Variants in TNFRSF11A observed in about 807,000 individuals in gnomAD.
The protein encoded by TNFRSF11A is tumor necrosis factor receptor superfamily member 11A.
A neutral mutation model predicts 55.7 loss-of-function variants in TNFRSF11A; 32 were observed. The ratio of observed to expected loss-of-function variants is 0.57; its 90% CI spans 0.43 to 0.77. The LOEUF (loss-of-function observed/expected upper bound fraction) is 0.77. TNFRSF11A is among the 30% of genes least tolerant of loss of function. The pLI is 0.00. For synonymous variants in TNFRSF11A, 311 were observed against 331.0 expected, an observed-to-expected ratio of 0.94 and a Z score of 0.65; for missense variants, 753 against 809.8, an observed-to-expected ratio of 0.93 and a Z score of 0.85.
chr18:62,335,129 A>ATTTTTTTTTTTTTTTTTTTTTTTTTTT (rs11289576), intron 1 of TNFRSF11A, among the ~76,000 whole-genome samples: 3 of 140,722 alleles, frequency 2.1e-5, no homozygotes, highest in Non-Finnish European at 4.6e-5. Context: ...TGGGGTCGGA[A>ATTTTTTTTTTTTTTTTTTTTTTTTTTT]TTTTTTTTTT....
In TNFRSF11A at chr18:62,385,153, C is replaced by G; in HGVS notation, c.*119C>G. On this transcript the variant is annotated 3_prime_UTR_variant, in exon 10 of 10. Transcript: ENST00000586569. The stretch of plus-strand genomic sequence containing the variant: ...ATCGGTACAGTCGAGGAAGACCACC[C>G]GGCATTCTCTGCCCACTTTGCCTTC... 2 of 1,176,006 alleles carry G rather than the reference C, an allele frequency of 1.7e-6. No homozygotes were observed. Among genetic ancestry groups the G allele is most frequent in the Non-Finnish European group, 2.2e-6 (2 of 904,178 alleles). The allele number at this position is 1,176,006 out of a possible 1,614,324, so 72.8% of individuals were successfully genotyped here.
chr18:62,333,724 A>G (rs2046189573), intron 1 of TNFRSF11A, among the ~76,000 whole-genome samples: 1 of 152,194 alleles, frequency 6.6e-6, no homozygotes, highest in Non-Finnish European at 1.5e-5. Context: ...GTGATGGGGT[A>G]GGGAGTAGAG....
chr18:62,349,903 A>C lies in TNFRSF11A; in HGVS notation c.249A>C (p.Glu83Asp), dbSNP rs111538401. ...AATACTTGGATAGCTGGAATGAAGA[A>C]GATAAATGCTTGCTGCATAAAGTTT... Reference protein sequence around the residue: ...PDEYLDSWNEEDKCLLHKVCD... With the variant: ...PDEYLDSWNEDDKCLLHKVCD... The change falls in exon 3 of 10, where the codon GAA becomes GAC. Residue 83 changes from glutamate (E) to aspartate (D), a missense_variant. Physicochemically the swap from Glu to Asp is conservative, Grantham distance 45. Transcript: ENST00000586569. The C allele has an allele frequency of 1.2e-6, 2 of 1,614,144 alleles. No homozygotes were observed. Among genetic ancestry groups the C allele is most frequent in the South Asian group, 2.2e-5 (2 of 91,084 alleles).
chr18:62,341,835 GCTTTTTTTTTTTTT>G (rs2046314737), intron 1 of TNFRSF11A, among the ~76,000 whole-genome samples: 1 of 68,836 alleles, frequency 1.5e-5, no homozygotes. Flanking sequence ...GCTGAGAATG[GCTTTTTTTTTTTTT>G]TTTTTTTTTG....
intron 1 of TNFRSF11A, among the ~76,000 whole-genome samples, chr18:62,331,971 CA>C (rs2046161777): frequency 6.6e-6 from 1 of 152,158 alleles, no homozygotes; most frequent in Non-Finnish European, 1.5e-5. Context: ...CTGTAAAAAC[CA>C]CCCTTTTAGT....
Position 62,358,333 on chromosome 18 carries a change from C to T in TNFRSF11A, c.513C>T (p.Pro171=), listed in dbSNP as rs1334260285. Residue 171 remains proline (P), a synonymous_variant, in exon 5 of 10, where the codon CCC becomes CCT. Transcript: ENST00000586569. ...TTTCCTCCACGGACAAATGCAGACC[C>T]TGGACCAAGTAAGTAACAACAAAGG... ...DAFSSTDKCR[P]WTNCTFLGKR... The T allele has an allele frequency of 1.2e-6, 2 of 1,613,670 alleles. No homozygotes were observed. The highest frequency in any genetic ancestry group is 2.7e-5 in the African/African-American group (2 of 74,898).
chr18:62,361,233 A>C (rs759595342), intron 6 of TNFRSF11A, among the ~76,000 whole-genome samples: 9 of 152,096 alleles, frequency 5.9e-5, no homozygotes, highest in East Asian at 5.8e-4. Context: ...AACTACAGAA[A>C]TATTTCACAG....
At chr18:62,357,688 C>T (rs890826190) in intron 4 of TNFRSF11A, among the ~76,000 whole-genome samples, 4 of 152,236 alleles carry the variant, frequency 2.6e-5, no homozygotes, top group East Asian at 1.9e-4. Context: ...GGTTCTTCCT[C>T]GTCTTCTTTT....
At position 62,368,933 on chromosome 18, in the gene TNFRSF11A, G is replaced by A. The variant is rs1328963759; in HGVS notation, c.1016G>A (p.Ser339Asn). The A allele has an allele frequency of 1.9e-6, 3 of 1,614,164 alleles. No individual in the cohort carries two copies. The African/African-American group carries it at 4.0e-5, about 22-fold the overall frequency. The change falls in exon 9 of 10, where the codon AGC (serine) becomes AAC (asparagine). Residue 339 changes from serine to asparagine, a missense_variant. Physicochemically the swap from Ser to Asn is conservative, Grantham distance 46. This residue lies in a region of TNFRSF11A where 567 missense variants were observed against 596.7 expected (regional missense o/e 0.95). Transcript: ENST00000586569. ...AGCAAGACCGAGATAGAGGAAGACA[G>A]CTTCAGACAGATGCCCACAGAAGAT... ...LVSKTEIEED[S>N]FRQMPTEDEY...
chr18:62,382,254 G>C (rs576582158), intron 9 of TNFRSF11A, among the ~76,000 whole-genome samples: 34 of 151,866 alleles, frequency 2.2e-4, no homozygotes, highest in African/African-American at 7.5e-4. Flanking sequence ...GGGATTGCAG[G>C]TGCCCACCAC....
chr18:62,361,607 C>T, intron 6 of TNFRSF11A, 73 bp from the exon 7 acceptor site: 2 of 1,401,628 alleles, frequency 1.4e-6, no homozygotes, highest in African/African-American at 1.4e-5. Flanking sequence ...GTTTGATTTA[C>T]CGGGATTTGT....
At chr18:62,335,013 C>T (rs1229332694) in intron 1 of TNFRSF11A, among the ~76,000 whole-genome samples, 1 of 152,158 alleles carries the variant, frequency 6.6e-6, no homozygotes, top group African/African-American at 2.4e-5. Context: ...AACCTATTAA[C>T]TTCTGTGGGT....
At chr18:62,347,259 G>A (rs2046397089) in intron 1 of TNFRSF11A, among the ~76,000 whole-genome samples, 1 of 152,208 alleles carries the variant, frequency 6.6e-6, no homozygotes, top group Non-Finnish European at 1.5e-5. Flanking sequence ...GTTCGGCTAA[G>A]CCCAGTTCTT....
At chr18:62,339,207 C>G (rs529677462) in intron 1 of TNFRSF11A, among the ~76,000 whole-genome samples, 7 of 152,294 alleles carry the variant, frequency 4.6e-5, no homozygotes, top group Admixed American at 1.3e-4. Context: ...CGAAGCAGCC[C>G]CCACCTTTTC....
chr18:62,369,249 T>A lies in TNFRSF11A; in HGVS notation c.1332T>A (p.Asp444Glu). 6.2e-7 allele frequency: 1 copy of A among 1,613,646 alleles called. No homozygotes were observed. Among genetic ancestry groups the A allele is most frequent in the Non-Finnish European group, 8.5e-7 (1 of 1,180,044 alleles). Residue 444 changes from aspartate to glutamate, a missense_variant, in exon 9 of 10, where the codon GAT (aspartate) becomes GAA (glutamate). Physicochemically the swap from Asp to Glu is conservative, Grantham distance 45 (BLOSUM62 2). Transcript: ENST00000586569. The part of the protein sequence containing the change: ...WAASPSPNWA[D>E]VCTGCRNPPG... ...CCAGCCCCAGCCCCAACTGGGCAGATGTCTGCACAGGCTGCCGGAACCCTC... is the reference window on the plus strand; with the variant it reads ...CCAGCCCCAGCCCCAACTGGGCAGAAGTCTGCACAGGCTGCCGGAACCCTC...
chr18:62,373,267 G>C (rs1271470936), intron 9 of TNFRSF11A, among the ~76,000 whole-genome samples: 1 of 152,170 alleles, frequency 6.6e-6, no homozygotes, highest in Non-Finnish European at 1.5e-5. Flanking sequence ...AGACCATCCT[G>C]ACCAACATGG....
chr18:62,346,915 C>CT (rs772326900), intron 1 of TNFRSF11A, among the ~76,000 whole-genome samples: 6 of 152,220 alleles, frequency 3.9e-5, no homozygotes, highest in Non-Finnish European at 7.3e-5. Flanking sequence ...CTCTTACTGC[C>CT]TCCCAAGAGC....
At chr18:62,356,739 C>T (rs1187539089) in intron 4 of TNFRSF11A, among the ~76,000 whole-genome samples, 1 of 152,168 alleles carries the variant, frequency 6.6e-6, no homozygotes, top group Non-Finnish European at 1.5e-5. Flanking sequence ...CCACTTGTCA[C>T]CTCGTTCAGC....
At chr18:62,381,848 C>T (rs560296435) in intron 9 of TNFRSF11A, among the ~76,000 whole-genome samples, 2 of 151,956 alleles carry the variant, frequency 1.3e-5, no homozygotes, top group Non-Finnish European at 2.9e-5. Flanking sequence ...TTTTAGTTTT[C>T]ACTTTGACTT....
Sources: gnomAD v4.1 joint callset for allele counts (sites outside exome capture counted in the v4.1 genomes callset) on GRCh38, gnomAD v4.1.1 for gene constraint, gnomAD v4.1.1 regional missense constraint, MANE v1.5 for transcripts, NCBI Gene and HGNC (gene_info 2026-07-23, HGNC 2026-07-21) for gene names.